Variants in SYNDIG1 observed in about 807,000 individuals in gnomAD.
The protein encoded by SYNDIG1 is synapse differentiation-inducing gene protein 1.
SYNDIG1 carries 9 observed loss-of-function variants against 19.4 expected under a neutral mutation model. The observed-to-expected ratio is 0.46, with a 90% CI of 0.28 to 0.81. The LOEUF (loss-of-function observed/expected upper bound fraction) is 0.81. Among genes scored for constraint, SYNDIG1 ranks in the 30% least tolerant of loss-of-function variants. SYNDIG1 has a pLI of 0.12. For synonymous variants in SYNDIG1, 141 were observed against 145.9 expected, an observed-to-expected ratio of 0.97 and a Z score of 0.24; for missense variants, 311 against 343.3, an observed-to-expected ratio of 0.91 and a Z score of 0.74.
intron 1 of SYNDIG1, among the ~76,000 whole-genome samples, chr20:24,522,412 C>T (rs906097795): frequency 2.0e-5 from 3 of 152,078 alleles, no homozygotes; most frequent in Non-Finnish European, 2.9e-5. Context: ...TTTCTTGATC[C>T]GTTAGCTTTA....
At chr20:24,612,568 C>T (rs1012727927) in intron 3 of SYNDIG1, among the ~76,000 whole-genome samples, 1 of 152,186 alleles carries the variant, frequency 6.6e-6, no homozygotes, top group Non-Finnish European at 1.5e-5. Flanking sequence ...TTTTATTTCC[C>T]AGTAACTTAA....
chr20:24,611,893 G>A (rs895881190), intron 3 of SYNDIG1, among the ~76,000 whole-genome samples: 1 of 152,202 alleles, frequency 6.6e-6, no homozygotes, highest in Non-Finnish European at 1.5e-5. Context: ...TGTAATTCAG[G>A]TGTTCTAAAA....
intron 3 of SYNDIG1, among the ~76,000 whole-genome samples, chr20:24,626,236 G>A (rs997427096): frequency 8.4e-5 from 10 of 118,404 alleles, no homozygotes; most frequent in African/African-American, 2.6e-4. Flanking sequence ...CCTCCCTCCC[G>A]GACAGGGTGG....
At chr20:24,657,566 A>AT (rs930660934) in intron 3 of SYNDIG1, among the ~76,000 whole-genome samples, 39 of 152,136 alleles carry the variant, frequency 2.6e-4, no homozygotes, top group African/African-American at 8.9e-4. Context: ...CAGAAGATTT[A>AT]TTTTTTTTAA....
At chr20:24,589,611 C>T (rs1484037233) in intron 3 of SYNDIG1, among the ~76,000 whole-genome samples, 1 of 152,240 alleles carries the variant, frequency 6.6e-6, no homozygotes, top group African/African-American at 2.4e-5. Flanking sequence ...TGGGCCTGGA[C>T]CTGCGCCGGG....
At chr20:24,527,729 G>T (rs993335625) in intron 1 of SYNDIG1, among the ~76,000 whole-genome samples, 4 of 152,056 alleles carry the variant, frequency 2.6e-5, no homozygotes, top group African/African-American at 9.7e-5. Context: ...TATTGCAATC[G>T]ACAGAACAGT....
intron 1 of SYNDIG1, among the ~76,000 whole-genome samples, chr20:24,470,203 G>T (rs750929502): frequency 6.6e-6 from 1 of 152,170 alleles, no homozygotes; most frequent in Non-Finnish European, 1.5e-5. Context: ...GCTGCCCCTC[G>T]GAGTGACCCG....
intron 1 of SYNDIG1, among the ~76,000 whole-genome samples, chr20:24,497,300 G>A (rs719491): frequency 0.77 from 117,389 of 152,156 alleles, 45,935 homozygotes; most frequent in East Asian, 0.93. Context: ...CTCCCAGTTC[G>A]AGCAATTCTT....
At chr20:24,503,042 A>T in intron 1 of SYNDIG1, among the ~76,000 whole-genome samples, 1 of 152,200 alleles carries the variant, frequency 6.6e-6, no homozygotes, top group East Asian at 1.9e-4. Flanking sequence ...AGGGCCCTTT[A>T]TCTGGGATGC....
intron 3 of SYNDIG1, among the ~76,000 whole-genome samples, chr20:24,649,482 C>A (rs2147362774): frequency 6.6e-6 from 1 of 152,312 alleles, no homozygotes; most frequent in South Asian, 2.1e-4. Context: ...TATCTATAAA[C>A]TCAGGGCCCA....
At chr20:24,595,792 T>C (rs2058585606) in intron 3 of SYNDIG1, among the ~76,000 whole-genome samples, 1 of 152,226 alleles carries the variant, frequency 6.6e-6, no homozygotes, top group African/African-American at 2.4e-5. Context: ...GAGTTCGTGG[T>C]ACTCTCTGAG....
At chr20:24,645,192 A>T (rs889236238) in intron 3 of SYNDIG1, among the ~76,000 whole-genome samples, 7 of 152,220 alleles carry the variant, frequency 4.6e-5, no homozygotes, top group Non-Finnish European at 1.0e-4. Context: ...CCTGGTGGTG[A>T]AGTGAGCCTC....
intron 2 of SYNDIG1, among the ~76,000 whole-genome samples, chr20:24,579,845 C>T (rs2058293235): frequency 1.3e-5 from 2 of 152,222 alleles, no homozygotes; most frequent in Admixed American, 6.5e-5. Context: ...GTGCCTCACA[C>T]TCTTGCTCAC....
chr20:24,548,299 G>A (rs147653025), intron 2 of SYNDIG1, among the ~76,000 whole-genome samples: 28 of 152,278 alleles, frequency 1.8e-4, no homozygotes, highest in African/African-American at 6.7e-4. Context: ...GTAAACTTCT[G>A]TTTCAGCATT....
At chr20:24,625,771 A>G (rs546604783) in intron 3 of SYNDIG1, among the ~76,000 whole-genome samples, 3 of 152,348 alleles carry the variant, frequency 2.0e-5, no homozygotes, top group East Asian at 3.9e-4. Context: ...TTCTTTCTAC[A>G]CAGACACAGC....
chr20:24,540,257 A>G (rs747467340), intron 1 of SYNDIG1, among the ~76,000 whole-genome samples: 2 of 152,228 alleles, frequency 1.3e-5, no homozygotes, highest in Non-Finnish European at 2.9e-5. Flanking sequence ...TTAACTTTGT[A>G]TCCTGCTACT....
chr20:24,473,609 G>A (rs750096886), intron 1 of SYNDIG1, among the ~76,000 whole-genome samples: 3 of 152,118 alleles, frequency 2.0e-5, no homozygotes, highest in Non-Finnish European at 2.9e-5. Flanking sequence ...CACGGGGAGT[G>A]GGGGAGGGAC....
chr20:24,659,820 G>A lies in SYNDIG1; in HGVS notation c.619-5526G>A, dbSNP rs193060728. 5.9e-5 allele frequency among the ~76,000 whole-genome samples: 9 copies of A among 152,242 alleles called. No homozygotes were observed. The East Asian group carries it at 1.5e-3, about 26-fold the overall frequency. On this transcript the variant is annotated intron_variant, in intron 3 of 3. Coordinates refer to ENST00000376862, the MANE Select transcript of SYNDIG1 (RefSeq NM_024893.3). ...CTCTGACTTTTCTTCTCTGGTTTTG[G>A]CATCAAGATTTTACAAGTTTTATAA...
At chr20:24,560,761 A>T (rs1600630172) in intron 2 of SYNDIG1, among the ~76,000 whole-genome samples, 6 of 91,060 alleles carry the variant, frequency 6.6e-5, no homozygotes, top group Admixed American at 2.6e-4. Context: ...CCTGGCTAGT[A>T]TTTTTTGTTG....
Sources: allele counts gnomAD v4.1 joint callset (sites outside exome capture counted in the v4.1 genomes callset), GRCh38; gene constraint gnomAD v4.1.1; transcripts MANE v1.5; gene names NCBI Gene and HGNC (gene_info 2026-07-23, HGNC 2026-07-21).